RASGRF2: variants seen among roughly 807,000 people sequenced by gnomAD.
RASGRF2 encodes ras-specific guanine nucleotide-releasing factor 2.
A neutral mutation model predicts 151.0 loss-of-function variants in RASGRF2; 76 were observed. The observed-to-expected ratio is 0.50, with a 90% CI of 0.42 to 0.61. The LOEUF (loss-of-function observed/expected upper bound fraction) is 0.61, where lower values mean the gene tolerates loss of function less well. Ranked by LOEUF, RASGRF2 falls within the 20% of genes least tolerant of loss-of-function variation. RASGRF2 has a pLI of 0.00. For missense variants in RASGRF2, 1,148 were observed against 1,564.6 expected, an observed-to-expected ratio of 0.73 and a Z score of 4.49; for synonymous variants, 504 against 566.5, an observed-to-expected ratio of 0.89 and a Z score of 1.57.
At chr5:81,122,359 A>G (rs1753332645) in intron 15 of RASGRF2, among the ~76,000 whole-genome samples, 2 of 152,056 alleles carry the variant, frequency 1.3e-5, no homozygotes, top group Admixed American at 1.3e-4. Flanking sequence ...TTATTTAGAA[A>G]ATAATAAAAC....
chr5:81,211,015 A>G (rs1755617733), intron 22 of RASGRF2, among the ~76,000 whole-genome samples: 1 of 152,008 alleles, frequency 6.6e-6, no homozygotes, highest in Non-Finnish European at 1.5e-5. Flanking sequence ...ATGGTAGTGC[A>G]CACCTGTGGT....
chr5:81,120,731 A>C (rs1348758515), intron 15 of RASGRF2, among the ~76,000 whole-genome samples: 1 of 152,216 alleles, frequency 6.6e-6, no homozygotes, highest in African/African-American at 2.4e-5. Flanking sequence ...GAGTCCCCTG[A>C]CTTTGGTTCC....
intron 1 of RASGRF2, among the ~76,000 whole-genome samples, chr5:80,970,783 C>T (rs1747906650): frequency 2.0e-5 from 3 of 152,284 alleles, no homozygotes; most frequent in Middle Eastern, 3.4e-3. Context: ...TTTCACAGAA[C>T]GTTTAATGAG....
intron 1 of RASGRF2, among the ~76,000 whole-genome samples, chr5:80,998,664 T>C (rs759006177): frequency 2.6e-5 from 4 of 152,252 alleles, no homozygotes; most frequent in East Asian, 3.8e-4. Context: ...ATTTTTCTCA[T>C]TGGAAGACAC....
intron 1 of RASGRF2, among the ~76,000 whole-genome samples, chr5:81,021,557 AGC>A (rs1437288469): frequency 3.2e-5 from 4 of 126,498 alleles, no homozygotes; most frequent in Admixed American, 8.2e-5. Flanking sequence ...AGATTGTGCG[AGC>A]GTGTGTGTGT....
chr5:81,108,880 G>C (rs1752919116), intron 12 of RASGRF2, 116 bp from the exon 13 acceptor site: 1 of 1,199,832 alleles, frequency 8.3e-7, no homozygotes, highest in African/African-American at 1.7e-5. Context: ...GTGTGTGTGT[G>C]TAAGAGACAG....
At chr5:81,100,412 A>C (rs888751961) in intron 12 of RASGRF2, among the ~76,000 whole-genome samples, 2 of 152,172 alleles carry the variant, frequency 1.3e-5, no homozygotes, top group Admixed American at 1.3e-4. Flanking sequence ...CTGAAGCTGT[A>C]ATTTTTAGAA....
chr5:81,132,252 C>T (rs184952078), intron 17 of RASGRF2, among the ~76,000 whole-genome samples: 182 of 152,128 alleles, frequency 1.2e-3, no homozygotes, highest in Non-Finnish European at 1.8e-3. Context: ...AAATGCTTAC[C>T]GAATTAATGA....
intron 12 of RASGRF2, among the ~76,000 whole-genome samples, chr5:81,096,705 C>T (rs1051964564): frequency 6.6e-6 from 1 of 152,028 alleles, no homozygotes; most frequent in Non-Finnish European, 1.5e-5. Context: ...CCTTGGAGTG[C>T]GTGAATAATT....
intron 17 of RASGRF2, among the ~76,000 whole-genome samples, chr5:81,162,964 C>T (rs1282538919): frequency 6.6e-6 from 1 of 151,824 alleles, no homozygotes; most frequent in East Asian, 1.9e-4. Context: ...TGCAATTGGC[C>T]CATCAAGGGG....
At chr5:81,112,582 A>G in intron 13 of RASGRF2, 28 bp from the exon 14 acceptor site, 2 of 1,611,652 alleles carry the variant, frequency 1.2e-6, no homozygotes, top group Non-Finnish European at 1.7e-6. Context: ...TCCTGGTTTT[A>G]CCATCATGTT....
At chr5:81,132,509 A>G (rs2112583034) in intron 17 of RASGRF2, among the ~76,000 whole-genome samples, 1 of 152,160 alleles carries the variant, frequency 6.6e-6, no homozygotes, top group Admixed American at 6.6e-5. Flanking sequence ...GATACCCACA[A>G]CCCTGAGCTG....
At chr5:80,976,687 C>T (rs895941372) in intron 1 of RASGRF2, among the ~76,000 whole-genome samples, 9 of 152,118 alleles carry the variant, frequency 5.9e-5, no homozygotes, top group African/African-American at 2.2e-4. Flanking sequence ...TTGGTGTCTG[C>T]CCAGCTCCAC....
chr5:80,962,214 G>A (rs1308904565), intron 1 of RASGRF2, among the ~76,000 whole-genome samples: 1 of 152,192 alleles, frequency 6.6e-6, no homozygotes, highest in Non-Finnish European at 1.5e-5. Flanking sequence ...GATTAAACTT[G>A]TTATAACACT....
At chr5:81,056,735 G>A (rs1383292335) in intron 2 of RASGRF2, among the ~76,000 whole-genome samples, 2 of 152,238 alleles carry the variant, frequency 1.3e-5, no homozygotes, top group Middle Eastern at 3.4e-3. Context: ...TGGTGTTAAC[G>A]TCTCCCATTA....
intron 7 of RASGRF2, among the ~76,000 whole-genome samples, chr5:81,082,622 A>T (rs1321877327): frequency 6.6e-6 from 1 of 152,106 alleles, no homozygotes; most frequent in African/African-American, 2.4e-5. Context: ...ACTAGTTCTG[A>T]TGTTTTGGAT....
At chr5:80,990,410 T>C (rs747730022) in intron 1 of RASGRF2, among the ~76,000 whole-genome samples, 10 of 152,070 alleles carry the variant, frequency 6.6e-5, no homozygotes, top group African/African-American at 1.7e-4. Flanking sequence ...CCAAATACTC[T>C]TGTCATCCTC....
intron 1 of RASGRF2, among the ~76,000 whole-genome samples, chr5:81,040,519 TG>T (rs1750645441): frequency 6.6e-6 from 1 of 152,200 alleles, no homozygotes; most frequent in African/African-American, 2.4e-5. Flanking sequence ...ATGGTAGAGA[TG>T]GGGGAGAGTT....
chr5:81,005,801 TG>T (rs1345570236), intron 1 of RASGRF2, among the ~76,000 whole-genome samples: 1 of 152,186 alleles, frequency 6.6e-6, no homozygotes, highest in East Asian at 1.9e-4. Context: ...CCTTTCTATC[TG>T]GAAGATTGAA....
Sources: allele counts gnomAD v4.1 joint callset (sites outside exome capture counted in the v4.1 genomes callset), GRCh38; gene constraint gnomAD v4.1.1; transcripts MANE v1.5; gene names NCBI Gene and HGNC (gene_info 2026-07-23, HGNC 2026-07-21).